SLC4A10: variants seen among roughly 807,000 people sequenced by gnomAD.
The protein encoded by SLC4A10 is solute carrier family 4 member 10.
In SLC4A10, 42 loss-of-function variants were observed where a neutral mutation model predicts 137.7. The observed-to-expected ratio is 0.30, with a 90% CI of 0.24 to 0.39. The LOEUF (loss-of-function observed/expected upper bound fraction) is 0.39. SLC4A10 is among the 10% of genes least tolerant of loss of function. The pLI is 1.00. For missense variants in SLC4A10, 925 were observed against 1,355.0 expected (o/e 0.68, Z 4.98); for synonymous variants, 474 against 464.1 (o/e 1.02, Z -0.27).
At chr2:161,941,764 C>G (rs374306377) in intron 15 of SLC4A10, among the ~76,000 whole-genome samples, 1 of 152,040 alleles carries the variant, frequency 6.6e-6, no homozygotes, top group Non-Finnish European at 1.5e-5. Flanking sequence ...CCCTTAGGAA[C>G]GAAAGCCTAC....
At chr2:161,918,482 A>G in intron 15 of SLC4A10, among the ~76,000 whole-genome samples, 1 of 152,208 alleles carries the variant, frequency 6.6e-6, no homozygotes, top group East Asian at 1.9e-4. Context: ...CAAATAGGAA[A>G]TAAAAATATA....
At chr2:161,941,345 A>T (rs1053820632) in intron 15 of SLC4A10, among the ~76,000 whole-genome samples, 1 of 152,166 alleles carries the variant, frequency 6.6e-6, no homozygotes, top group African/African-American at 2.4e-5. Flanking sequence ...ACTGAAAAGC[A>T]GGTGCTTCGA....
chr2:161,637,892 C>T (rs2034690284), intron 1 of SLC4A10, among the ~76,000 whole-genome samples: 1 of 152,092 alleles, frequency 6.6e-6, no homozygotes, highest in Non-Finnish European at 1.5e-5. Flanking sequence ...TAGTTAGTCA[C>T]TTGAATGTCT....
chr2:161,694,966 A>T (rs1256276286), intron 1 of SLC4A10, among the ~76,000 whole-genome samples: 1 of 152,008 alleles, frequency 6.6e-6, no homozygotes, highest in Non-Finnish European at 1.5e-5. Context: ...CTAAATGTCA[A>T]CACTCCATTT....
At chr2:161,923,353 C>A (rs1219984769) in intron 15 of SLC4A10, among the ~76,000 whole-genome samples, 2 of 152,026 alleles carry the variant, frequency 1.3e-5, no homozygotes, top group African/African-American at 4.8e-5. Flanking sequence ...CAGATACAAC[C>A]CTTTTTCTGC....
At chr2:161,794,187 T>C (rs1004032015) in intron 2 of SLC4A10, among the ~76,000 whole-genome samples, 2 of 152,146 alleles carry the variant, frequency 1.3e-5, no homozygotes, top group Admixed American at 6.6e-5. Flanking sequence ...CCTTCTGTCC[T>C]CAGCCTTTTT....
rs534495211 is a variant in SLC4A10, at chr2:161,904,889, G to T, written c.1731G>T (p.Lys577Asn). Reference protein sequence around the residue: ...GSTGPVLVFEKILFKFCKEYG... With the variant: ...GSTGPVLVFENILFKFCKEYG... Reference sequence around the variant, plus strand: ...CAGGACCAGTTTTGGTGTTTGAAAAGATTTTGTTTAAATTTTGCAAGTAAG... The same window carrying T: ...CAGGACCAGTTTTGGTGTTTGAAAATATTTTGTTTAAATTTTGCAAGTAAG... The change falls in exon 14 of 27, where the codon AAG (lysine) becomes AAT (asparagine). Residue 577 changes from lysine to asparagine, a missense_variant. By Grantham distance (94) the Lys-to-Asn change is moderately conservative. Coordinates refer to ENST00000446997, the MANE Select transcript of SLC4A10 (RefSeq NM_001178015.2). 2 of 1,613,886 alleles carry T rather than the reference G, an allele frequency of 1.2e-6. No individual in the cohort carries two copies. The highest frequency in any genetic ancestry group is 1.7e-6 in the Non-Finnish European group (2 of 1,179,860).
Position 161,984,495 on chromosome 2 carries a change from T to C in SLC4A10, c.*1343T>C, listed in dbSNP as rs1461464392. The stretch of plus-strand genomic sequence containing the variant: ...TATAATACTCCAATATTCCGTTTTA[T>C]AATAATTCAGAGCCCTGTGGCTTTT... On this transcript the variant is annotated 3_prime_UTR_variant, in exon 27 of 27. Transcript: ENST00000446997. 2 of 152,162 alleles carry C rather than the reference T, an allele frequency of 1.3e-5. No individual in the cohort carries two copies. Among genetic ancestry groups the C allele is most frequent in the Non-Finnish European group, 1.5e-5 (1 of 67,986 alleles). The allele number at this position is 152,162 out of a possible 1,614,324, so 9.4% of individuals were successfully genotyped here. A position where few individuals can be genotyped will look rare whatever the true frequency, so the allele number is the denominator to read the frequency against.
At chr2:161,662,640 A>C (rs1381115711) in intron 1 of SLC4A10, among the ~76,000 whole-genome samples, 3 of 152,206 alleles carry the variant, frequency 2.0e-5, no homozygotes, top group African/African-American at 7.2e-5. Context: ...AATTGAAACC[A>C]GTACATTTCA....
In SLC4A10 at chr2:161,894,814, G is replaced by A. The variant is rs2063274907; in HGVS notation, c.1330G>A (p.Val444Ile). The A allele has an allele frequency of 7.3e-7, 1 of 1,371,348 alleles. No individual in the cohort carries two copies. The highest frequency in any genetic ancestry group is 9.5e-7 in the Non-Finnish European group (1 of 1,053,762). 84.9% of individuals were successfully genotyped at this position (1,371,348 alleles called of 1,614,324 possible). A position where few individuals can be genotyped will look rare whatever the true frequency, so the allele number is the denominator to read the frequency against. The change falls in exon 11 of 27, where the codon GTT (valine) becomes ATT (isoleucine). Residue 444 changes from valine (V) to isoleucine (I), a missense_variant. Transcript: ENST00000446997. The part of the protein sequence containing the change: ...PSIRIEPPKN[V>I]PSQEKRKIPA... ...CATTCGAATAGAGCCTCCCAAAAAT[G>A]TTCCTTCCCAGGTATGTATATTTGA...
chr2:161,864,798 A>G (rs1399399895), intron 6 of SLC4A10, among the ~76,000 whole-genome samples: 2 of 152,140 alleles, frequency 1.3e-5, no homozygotes, highest in Non-Finnish European at 2.9e-5. Flanking sequence ...TAAGATAACA[A>G]AACTTGAGGC....
At chr2:161,918,880 C>T (rs923530712) in intron 15 of SLC4A10, among the ~76,000 whole-genome samples, 1 of 152,182 alleles carries the variant, frequency 6.6e-6, no homozygotes. Flanking sequence ...AAGCCCCGCG[C>T]CTTCTGAGTT....
chr2:161,830,100 A>G (rs2125733468), intron 3 of SLC4A10, among the ~76,000 whole-genome samples: 1 of 152,130 alleles, frequency 6.6e-6, no homozygotes. Context: ...AAATTGACAT[A>G]AGTGTGCTAA....
intron 4 of SLC4A10, among the ~76,000 whole-genome samples, chr2:161,849,290 A>G (rs2059685449): frequency 1.3e-5 from 2 of 152,142 alleles, no homozygotes; most frequent in African/African-American, 4.8e-5. Flanking sequence ...TAGCAGATCT[A>G]GGAGCCTCAA....
intron 6 of SLC4A10, among the ~76,000 whole-genome samples, chr2:161,868,102 A>G (rs1371216842): frequency 1.3e-5 from 2 of 151,946 alleles, no homozygotes; most frequent in Non-Finnish European, 1.5e-5. Context: ...TTGGCCAACT[A>G]TAAATTTAAA....
At chr2:161,746,098 G>A (rs2048356432) in intron 1 of SLC4A10, among the ~76,000 whole-genome samples, 2 of 152,076 alleles carry the variant, frequency 1.3e-5, no homozygotes, top group African/African-American at 2.4e-5. Flanking sequence ...TACTGCTGAT[G>A]TTTGTTCAAG....
intron 1 of SLC4A10, among the ~76,000 whole-genome samples, chr2:161,671,845 G>A (rs2105790742): frequency 6.6e-6 from 1 of 152,266 alleles, no homozygotes; most frequent in African/African-American, 2.4e-5. Flanking sequence ...TGATATCAAG[G>A]TACTTGCATT....
At chr2:161,747,041 G>C (rs1162305049) in intron 1 of SLC4A10, among the ~76,000 whole-genome samples, 6 of 152,082 alleles carry the variant, frequency 3.9e-5, no homozygotes, top group Admixed American at 3.9e-4. Flanking sequence ...AGTGACACAA[G>C]CATTCCCTTG....
intron 15 of SLC4A10, among the ~76,000 whole-genome samples, chr2:161,940,816 A>G (rs998495267): frequency 1.3e-5 from 2 of 152,208 alleles, no homozygotes; most frequent in Admixed American, 6.5e-5. Flanking sequence ...AGCACTGACC[A>G]CAGCAGGCAG....
Sources: allele counts gnomAD v4.1 joint callset (sites outside exome capture counted in the v4.1 genomes callset), GRCh38; gene constraint gnomAD v4.1.1; transcripts MANE v1.5; gene names NCBI Gene and HGNC (gene_info 2026-07-23, HGNC 2026-07-21).